Variants in SEMA3E observed in about 807,000 individuals in gnomAD.
SEMA3E encodes the protein semaphorin 3E.
SEMA3E carries 49 observed loss-of-function variants against 93.6 expected under a neutral mutation model. The observed-to-expected ratio is 0.52, with a 90% CI of 0.42 to 0.66. The LOEUF (loss-of-function observed/expected upper bound fraction) is 0.66. Ranked by LOEUF, SEMA3E falls within the 30% of genes least tolerant of loss-of-function variation. The pLI, the probability that SEMA3E is intolerant of heterozygous loss-of-function variation, is 0.00. For synonymous variants in SEMA3E, 363 were observed against 330.7 expected, an observed-to-expected ratio of 1.10 and a Z score of -1.06; for missense variants, 906 against 964.8, an observed-to-expected ratio of 0.94 and a Z score of 0.81.
chr7:83,584,703 A>T (rs1449662935), intron 1 of SEMA3E, among the ~76,000 whole-genome samples: 1 of 152,136 alleles, frequency 6.6e-6, no homozygotes, highest in Non-Finnish European at 1.5e-5. Context: ...TAATATTGAC[A>T]ATAGATGTAA....
chr7:83,411,514 C>G (rs865781790), intron 5 of SEMA3E, among the ~76,000 whole-genome samples: 1 of 151,866 alleles, frequency 6.6e-6, no homozygotes, highest in Non-Finnish European at 1.5e-5. Flanking sequence ...TTATGTTTAG[C>G]AAAATACTTT....
chr7:83,560,930 T>C (rs1038918350), intron 1 of SEMA3E, among the ~76,000 whole-genome samples: 4 of 152,072 alleles, frequency 2.6e-5, no homozygotes, highest in African/African-American at 7.2e-5. Context: ...TTGTCAATTA[T>C]ATAACACTGC....
chr7:83,419,718 G>A lies in SEMA3E; in HGVS notation c.457-1235C>T. Among the ~76,000 whole-genome samples, 2 of 152,000 alleles carry A rather than the reference G, an allele frequency of 1.3e-5. 1 individual carries two copies. The highest frequency in any genetic ancestry group is 2.9e-5 in the Non-Finnish European group (2 of 67,986). ...ATTTTTTAATGTTTTTTGGCTTCCT[G>A]TATGTCTTCTTTTTAGAAGTACCTG... is the stretch of plus-strand genomic sequence containing the variant. On this transcript the variant is annotated intron_variant, in intron 4 of 16. Coordinates refer to ENST00000643230, the MANE Select transcript of SEMA3E (RefSeq NM_012431.3).
chr7:83,497,069 ATTAT>A (rs2115583019), intron 1 of SEMA3E, among the ~76,000 whole-genome samples: 1 of 152,246 alleles, frequency 6.6e-6, no homozygotes, highest in East Asian at 1.9e-4. Flanking sequence ...GAGGGAACTA[ATTAT>A]TATTGCTAAG....
At chr7:83,507,040 G>A (rs1790717744) in intron 1 of SEMA3E, among the ~76,000 whole-genome samples, 1 of 152,118 alleles carries the variant, frequency 6.6e-6, no homozygotes, top group African/African-American at 2.4e-5. Flanking sequence ...CTAAATTTCT[G>A]AGAATATCAT....
intron 1 of SEMA3E, among the ~76,000 whole-genome samples, chr7:83,566,336 T>A (rs1001518846): frequency 6.6e-6 from 1 of 152,088 alleles, no homozygotes; most frequent in South Asian, 2.1e-4. Context: ...ACTAAACATA[T>A]CAAACTCTTT....
chr7:83,500,681 C>T (rs2115599498), intron 1 of SEMA3E, among the ~76,000 whole-genome samples: 1 of 150,586 alleles, frequency 6.6e-6, no homozygotes, highest in South Asian at 2.1e-4. Flanking sequence ...CAACCTCCGC[C>T]TCCCAGGTTC....
At chr7:83,591,092 C>T (rs1313419553) in intron 1 of SEMA3E, among the ~76,000 whole-genome samples, 3 of 121,750 alleles carry the variant, frequency 2.5e-5, no homozygotes, top group Admixed American at 9.6e-5. Flanking sequence ...TAAACTTTAT[C>T]TTAGAGTTAT....
chr7:83,552,355 C>T (rs1791783440), intron 1 of SEMA3E, among the ~76,000 whole-genome samples: 1 of 152,126 alleles, frequency 6.6e-6, no homozygotes, highest in Non-Finnish European at 1.5e-5. Context: ...TGTACATCAC[C>T]TCAAGACCAC....
intron 11 of SEMA3E, among the ~76,000 whole-genome samples, chr7:83,398,034 G>A (rs1056733935): frequency 1.1e-4 from 16 of 152,036 alleles, no homozygotes; most frequent in East Asian, 9.6e-4. Flanking sequence ...TATTAAAGCC[G>A]GTGTCTAGTA....
intron 1 of SEMA3E, among the ~76,000 whole-genome samples, chr7:83,603,138 A>C (rs1277135998): frequency 6.6e-6 from 1 of 152,186 alleles, no homozygotes; most frequent in Non-Finnish European, 1.5e-5. Context: ...TTTATGATAT[A>C]CCACTAACCC....
intron 1 of SEMA3E, among the ~76,000 whole-genome samples, chr7:83,527,198 GT>G (rs201323531): frequency 0.013 from 1,990 of 152,100 alleles, 23 homozygotes; most frequent in Non-Finnish European, 0.018. Context: ...GGAAAAAAAG[GT>G]TTTTTTCTCT....
At chr7:83,579,783 T>A (rs1342334373) in intron 1 of SEMA3E, among the ~76,000 whole-genome samples, 1 of 152,084 alleles carries the variant, frequency 6.6e-6, no homozygotes, top group Non-Finnish European at 1.5e-5. Flanking sequence ...AAGTCACTAC[T>A]AAATAATTTA....
chr7:83,413,670 G>T (rs1788487356), intron 5 of SEMA3E, among the ~76,000 whole-genome samples: 1 of 152,170 alleles, frequency 6.6e-6, no homozygotes, highest in South Asian at 2.1e-4. Flanking sequence ...ATTTTATTAG[G>T]CATTTAGCTG....
At position 83,566,604 on chromosome 7, in the gene SEMA3E, G is replaced by A. The variant is rs140977048; in HGVS notation, c.116-76330C>T. Among the ~76,000 whole-genome samples, 364 of 152,142 alleles carry A rather than the reference G, an allele frequency of 2.4e-3. 3 individuals are homozygous for A. The highest frequency in any genetic ancestry group is 3.4e-3 in the Middle Eastern group (1 of 294). On this transcript the variant is annotated intron_variant, in intron 1 of 16. Transcript: ENST00000643230. The stretch of plus-strand genomic sequence containing the variant: ...CAATCTCATGCCATGAAACCTAAAC[G>A]GTAATCTCCTAGTCTATGTTGTTGG...
intron 16 of SEMA3E, among the ~76,000 whole-genome samples, chr7:83,376,381 A>T (rs545120669): frequency 6.6e-6 from 1 of 152,204 alleles, no homozygotes; most frequent in Non-Finnish European, 1.5e-5. Flanking sequence ...ACATAACCCA[A>T]TATTAAAAGT....
At chr7:83,530,874 G>A (rs951229818) in intron 1 of SEMA3E, among the ~76,000 whole-genome samples, 27 of 104,746 alleles carry the variant, frequency 2.6e-4, no homozygotes, top group African/African-American at 4.2e-4. Context: ...GTGAAACTCC[G>A]TCGGGGGAAA....
chr7:83,597,041 G>A (rs1349602402), intron 1 of SEMA3E, among the ~76,000 whole-genome samples: 4 of 151,980 alleles, frequency 2.6e-5, no homozygotes, highest in East Asian at 1.9e-4. Flanking sequence ...TTAGACCAAC[G>A]GAACCGGTGA....
At chr7:83,597,124 T>C (rs1029899686) in intron 1 of SEMA3E, among the ~76,000 whole-genome samples, 9 of 152,240 alleles carry the variant, frequency 5.9e-5, no homozygotes, top group African/African-American at 1.7e-4. Context: ...TTTATGGATA[T>C]CACCCACATA....
Sources: allele counts gnomAD v4.1 joint callset (sites outside exome capture counted in the v4.1 genomes callset), GRCh38; gene constraint gnomAD v4.1.1; transcripts MANE v1.5; gene names NCBI Gene and HGNC (gene_info 2026-07-23, HGNC 2026-07-21).